The following TET1 variants were observed in gnomAD, a reference collection of about 807,000 sequenced individuals.
TET1 encodes the protein tet methylcytosine dioxygenase 1.
Under a neutral mutation model 148.7 loss-of-function variants are expected in TET1, and 13 were observed. That is an observed-to-expected ratio of 0.09 (90% CI 0.06 to 0.14). The LOEUF is 0.14. TET1 is among the 10% of genes least tolerant of loss of function. TET1 has a pLI of 1.00. For missense variants in TET1, 2,182 were observed against 2,553.8 expected (o/e 0.85, Z 3.14); for synonymous variants, 907 against 937.2 (o/e 0.97, Z 0.59).
chr10:68,629,157 G>A (rs1340867968), intron 3 of TET1, among the ~76,000 whole-genome samples: 1 of 152,188 alleles, frequency 6.6e-6, no homozygotes, highest in East Asian at 1.9e-4. Context: ...CTGAGGTCAG[G>A]AGTTTGAGAT....
At chr10:68,611,654 CT>C (rs201278517) in intron 3 of TET1, among the ~76,000 whole-genome samples, 39,322 of 136,716 alleles carry the variant, frequency 0.29, 5,771 homozygotes, top group African/African-American at 0.4. Context: ...CCCTTTCTTT[CT>C]TTTCTTTTCT....
In TET1 at chr10:68,580,946, G is replaced by A. The variant is rs1051171694; in HGVS notation, c.1914+6694G>A. 3.3e-5 allele frequency among the ~76,000 whole-genome samples: 5 copies of A among 151,898 alleles called. No individual in the cohort carries two copies. In the South Asian group the frequency reaches 6.2e-4, roughly 19 times the overall value. The stretch of plus-strand genomic sequence containing the variant: ...GATCTCTCCACCGCACTCTAGCCTT[G>A]GTGGCAGTGAGACTGTGTCTCAGAA... On this transcript the variant is annotated intron_variant, in intron 2 of 11. Coordinates refer to ENST00000373644, the MANE Select transcript of TET1 (RefSeq NM_030625.3).
At position 68,680,357 on chromosome 10, in the gene TET1, T is replaced by C. The variant is rs115607941; in HGVS notation, c.4825-1042T>C. ...TGTTCTCTATACGTGTTTTTCTTTT[T>C]TGAGACAAGATCTGGCTCTGTCACC... is the stretch of plus-strand genomic sequence containing the variant. On this transcript the variant is annotated intron_variant, in intron 8 of 11. Coordinates refer to ENST00000373644, the MANE Select transcript of TET1 (RefSeq NM_030625.3). Among the ~76,000 whole-genome samples the C allele has an allele frequency of 4.0e-3, 606 of 152,336 alleles. 2 individuals carry two copies. The highest frequency in any genetic ancestry group is 0.014 in the African/African-American group (578 of 41,574).
rs753733293 is a variant in TET1, at chr10:68,646,646, C to G, written c.3917C>G (p.Pro1306Arg). The G allele has an allele frequency of 3.7e-6, 6 of 1,614,030 alleles. No individual in the cohort carries two copies. Among genetic ancestry groups the G allele is most frequent in the Middle Eastern group, 1.6e-4 (1 of 6,084 alleles). Reference protein sequence around the residue: ...AHPLTQPSSPPNQCANVMAGD... With the variant: ...AHPLTQPSSPRNQCANVMAGD... Reference sequence around the variant, plus strand: ...CCTTTGACCCAGCCCTCCTCTCCACCTAACCAGTGTGCTAACGTGATGGCA... The same window carrying G: ...CCTTTGACCCAGCCCTCCTCTCCACGTAACCAGTGTGCTAACGTGATGGCA... The change falls in exon 4 of 12, where the codon CCT becomes CGT. Residue 1306 changes from proline to arginine, a missense_variant. Around this residue, in one of 11 missense-constraint regions of TET1, gnomAD observed 582 missense variants for 599.5 expected, o/e 0.97. Transcript: ENST00000373644.
chr10:68,578,242 AATTTT>A (rs546114291), intron 2 of TET1, among the ~76,000 whole-genome samples: 3 of 152,100 alleles, frequency 2.0e-5, no homozygotes, highest in African/African-American at 4.8e-5. Context: ...TCTACACCAA[AATTTT>A]ATTTTATTTT....
At chr10:68,672,750 C>A in intron 7 of TET1, 145 bp from the exon 8 acceptor site, 3 of 540,840 alleles carry the variant, frequency 5.5e-6, no homozygotes, top group Non-Finnish European at 8.8e-6. Flanking sequence ...TAACATTAAA[C>A]TATTTTAAAT....
intron 4 of TET1, among the ~76,000 whole-genome samples, chr10:68,649,864 T>C (rs1273681953): frequency 2.0e-5 from 3 of 152,216 alleles, no homozygotes. Flanking sequence ...TCAGCTGTTT[T>C]ATCTACTGTC....
At chr10:68,620,173 A>G (rs2054350419) in intron 3 of TET1, among the ~76,000 whole-genome samples, 1 of 152,204 alleles carries the variant, frequency 6.6e-6, no homozygotes, top group South Asian at 2.1e-4. Flanking sequence ...ACAGAGCGAG[A>G]CTTTGTCTCA....
At chr10:68,661,496 A>T (rs1455406017) in intron 6 of TET1, among the ~76,000 whole-genome samples, 1 of 149,838 alleles carries the variant, frequency 6.7e-6, no homozygotes, top group Admixed American at 6.7e-5. Flanking sequence ...GGCTGTGAAA[A>T]TTTTCTGTTT....
At chr10:68,686,766 C>G (rs554036113) in intron 11 of TET1, 59 bp downstream of exon 11, 2 of 1,461,810 alleles carry the variant, frequency 1.4e-6, no homozygotes, top group South Asian at 2.7e-5. Context: ...TGTGTTTGGA[C>G]TTTGCCTTGC....
At chr10:68,634,744 G>T (rs192284307) in intron 3 of TET1, among the ~76,000 whole-genome samples, 1 of 152,144 alleles carries the variant, frequency 6.6e-6, no homozygotes, top group African/African-American at 2.4e-5. Flanking sequence ...ATAATAATAG[G>T]TATTCATAAA....
chr10:68,574,225 G>T lies in TET1; in HGVS notation c.1887G>T (p.Lys629Asn). 6.2e-7 allele frequency: 1 copy of T among 1,612,622 alleles called. No homozygotes were observed. The change falls in exon 2 of 12, where the codon AAG becomes AAT. Residue 629 changes from lysine (K) to asparagine (N), a missense_variant. Physicochemically the swap from Lys to Asn is moderately conservative, Grantham distance 94 (BLOSUM62 0). Transcript: ENST00000373644. The stretch of plus-strand genomic sequence containing the variant: ...AAAGAAAATGTGAGGAGCTGAAAAA[G>T]AAACCATCTGTTGTTGTGCCTCTGG... ...CKKRKCEELK[K>N]KPSVVVPLEV...
chr10:68,622,873 T>C (rs1272188133), intron 3 of TET1, among the ~76,000 whole-genome samples: 1 of 152,136 alleles, frequency 6.6e-6, no homozygotes, highest in East Asian at 1.9e-4. Flanking sequence ...GCTACTGCTC[T>C]TGGCTACTCA....
chr10:68,632,849 AAAAG>A (rs1259384089), intron 3 of TET1: 278 of 783,314 alleles, frequency 3.5e-4, no homozygotes, highest in Middle Eastern at 6.5e-4. Flanking sequence ...AAAAAAAAAA[AAAAG>A]AAAGAAAACA....
At chr10:68,580,794 A>AT (rs1209806360) in intron 2 of TET1, among the ~76,000 whole-genome samples, 5 of 138,638 alleles carry the variant, frequency 3.6e-5, no homozygotes, top group African/African-American at 1.3e-4. Flanking sequence ...AAAAAAAAAA[A>AT]AAAAAAAAAA....
intron 3 of TET1, among the ~76,000 whole-genome samples, chr10:68,637,025 GTCTTGCTCTGT>G (rs2054662731): frequency 6.6e-6 from 1 of 151,840 alleles, no homozygotes; most frequent in Non-Finnish European, 1.5e-5. Flanking sequence ...GTGTGACAGA[GTCTTGCTCTGT>G]CACCCAGGCT....
intron 6 of TET1, among the ~76,000 whole-genome samples, chr10:68,666,339 A>G (rs912811260): frequency 2.6e-5 from 4 of 152,228 alleles, no homozygotes; most frequent in African/African-American, 9.6e-5. Context: ...AAAATCATAG[A>G]AACCACAGAG....
intron 6 of TET1, among the ~76,000 whole-genome samples, chr10:68,663,743 G>C (rs2055154685): frequency 6.6e-6 from 1 of 152,190 alleles, no homozygotes; most frequent in Non-Finnish European, 1.5e-5. Context: ...GAACAAGAAT[G>C]TGTATACCTT....
chr10:68,642,979 TG>T (rs1335234644), intron 3 of TET1, among the ~76,000 whole-genome samples: 3 of 152,076 alleles, frequency 2.0e-5, no homozygotes, highest in African/African-American at 7.2e-5. Flanking sequence ...AAAATTAGGT[TG>T]GGTGCAGCGG....
Sources: gnomAD v4.1 joint callset for allele counts (sites outside exome capture counted in the v4.1 genomes callset) on GRCh38, gnomAD v4.1.1 for gene constraint, gnomAD v4.1.1 regional missense constraint, MANE v1.5 for transcripts, NCBI Gene and HGNC (gene_info 2026-07-23, HGNC 2026-07-21) for gene names.